The following RSPH10B2 variants were observed in gnomAD, a reference collection of about 807,000 sequenced individuals.
RSPH10B2 encodes radial spoke head 10 homolog B2 (Chlamydomonas).
A neutral mutation model predicts 49.0 loss-of-function variants in RSPH10B2; 9 were observed. That is an observed-to-expected ratio of 0.18 (90% CI 0.11 to 0.32). The LOEUF (loss-of-function observed/expected upper bound fraction) is 0.32. Among genes scored for constraint, RSPH10B2 ranks in the 10% least tolerant of loss-of-function variants. The pLI is 1.00. For missense variants in RSPH10B2, 95 were observed against 589.9 expected (o/e 0.16, Z 8.69); for synonymous variants, 35 against 210.2 (o/e 0.17, Z 7.21).
chr7:6,774,755 GTT>G (rs1359670506), intron 9 of RSPH10B2, among the ~76,000 whole-genome samples: 4 of 122,086 alleles, frequency 3.3e-5, no homozygotes, highest in East Asian at 2.8e-4. Flanking sequence ...CTTTTTTTTT[GTT>G]TTTTTTTTTT....
intron 10 of RSPH10B2, 92 bp downstream of exon 12, chr7:6,776,638 A>G (rs1279895306): frequency 2.7e-5 from 1 of 36,612 alleles, no homozygotes; most frequent in African/African-American, 1.1e-4. Flanking sequence ...GCACTTTGGG[A>G]GGCCGAGGCA....
intron 17 of RSPH10B2, chr7:6,794,317 GA>G (rs1782487379): frequency 6.6e-6 from 1 of 152,134 alleles, no homozygotes; most frequent in African/African-American, 2.4e-5. Context: ...CCACCGCCAG[GA>G]ATCCTGCTGT....
chr7:6,784,818 G>T (rs1251975586), intron 13 of RSPH10B2, among the ~76,000 whole-genome samples: 1 of 107,614 alleles, frequency 9.3e-6, no homozygotes, highest in Admixed American at 1.0e-4. Flanking sequence ...CGCCTGCCTC[G>T]GCCTCCCAAA....
rs769877980 is a variant in RSPH10B2, at chr7:6,779,974, A to ATTT, written c.1529+268_1529+270dup. Among the ~76,000 whole-genome samples, 5 of 110,068 alleles carry ATTT rather than the reference A, an allele frequency of 4.5e-5. 1 individual carries two copies. Among genetic ancestry groups the ATTT allele is most frequent in the Admixed American group, 9.6e-5 (1 of 10,412 alleles). 72.2% of individuals were successfully genotyped at this position (110,068 alleles called of 152,430 possible). A position where few individuals can be genotyped will look rare whatever the true frequency, so the allele number is the denominator to read the frequency against. On this transcript the variant is annotated intron_variant, in intron 11 of 18. Coordinates refer to ENST00000297186, the Ensembl canonical transcript of RSPH10B2. ...AGGCATGTGCCACCATGCCTGGCTA[A>ATTT]TTTTTTTTTTTTTTTTTTTTGTATT...
intron 4 of RSPH10B2, among the ~76,000 whole-genome samples, chr7:6,764,391 T>C (rs569681185): frequency 1.3e-5 from 2 of 151,158 alleles, no homozygotes; most frequent in Admixed American, 6.6e-5. Context: ...GATGGAGTCT[T>C]GCTCTGTCGC....
At chr7:6,793,394 C>A (rs1470847101) in intron 17 of RSPH10B2, among the ~76,000 whole-genome samples, 1 of 116,536 alleles carries the variant, frequency 8.6e-6, no homozygotes, top group Non-Finnish European at 1.7e-5. Flanking sequence ...CGGCCACCCA[C>A]TCAATGGTGG....
chr7:6,785,880 GAT>G, intron 13 of RSPH10B2, 67 bp from the exon 16 acceptor site: 1 of 1,172,338 alleles, frequency 8.5e-7, no homozygotes, highest in South Asian at 1.3e-5. Flanking sequence ...TTATTGTATT[GAT>G]ATAAATTGAC....
rs192594865 is a variant in RSPH10B2 at position 6,779,901 on chromosome 7, C to T, written c.1529+177C>T. Reference sequence around the variant, plus strand: ...TGGCTTACTGCAACCTCTGCCTCCCCGGTTCAAGCAATTCTTCTGCCTCGG... The same window carrying T: ...TGGCTTACTGCAACCTCTGCCTCCCTGGTTCAAGCAATTCTTCTGCCTCGG... On this transcript the variant is annotated intron_variant, in intron 11 of 18. Coordinates refer to ENST00000297186, the Ensembl canonical transcript of RSPH10B2. Among the ~76,000 whole-genome samples the T allele has an allele frequency of 7.6e-3, 992 of 130,448 alleles. 95 individuals carry two copies. The highest frequency in any genetic ancestry group is 0.027 in the African/African-American group (944 of 35,348). The allele number at this position is 130,448 out of a possible 152,430, so 85.6% of individuals were successfully genotyped here.
At chr7:6,758,958 T>C (rs1466304528) in intron 1 of RSPH10B2, 126 bp from the exon 4 acceptor site, 7 of 492,062 alleles carry the variant, frequency 1.4e-5, no homozygotes, top group Non-Finnish European at 2.1e-5. Flanking sequence ...TGTATATATA[T>C]ATATATATAT....
exon 11 of RSPH10B2, chr7:6,779,641 T>C: frequency 2.4e-6 from 1 of 418,276 alleles, no homozygotes; most frequent in Non-Finnish European, 4.1e-6. Context: ...AAGAAATCCA[T>C]TCTCCATTTA....
chr7:6,757,879 G>A lies in RSPH10B2; in HGVS notation c.202G>A (p.Glu68Lys), dbSNP rs150264312. The A allele has an allele frequency of 1.6e-3, 2,457 of 1,563,908 alleles. 122 individuals carry two copies. The African/African-American group carries it at 0.029, about 18-fold the overall frequency. ...AGACCGCCAAAACGTTCAGCAGAACGAAGATGCCAGCCAATACGAAGAGTC... is the reference window on the plus strand; with the variant it reads ...AGACCGCCAAAACGTTCAGCAGAACAAAGATGCCAGCCAATACGAAGAGTC... Residue 68 changes from glutamate to lysine, a missense_variant, in exon 1 of 19, where the codon GAA (glutamate) becomes AAA (lysine). Coordinates refer to ENST00000297186, the Ensembl canonical transcript of RSPH10B2.
chr7:6,786,178 C>CTT (rs1266902018), intron 14 of RSPH10B2, 122 bp downstream of exon 16: 6,511 of 137,458 alleles, frequency 0.047, 3 homozygotes, highest in South Asian at 0.057. Context: ...TTCACTGATG[C>CTT]TTTTTTTTTT....
intron 13 of RSPH10B2, among the ~76,000 whole-genome samples, chr7:6,785,202 G>T (rs1301279426): frequency 2.0e-5 from 2 of 99,314 alleles, no homozygotes; most frequent in South Asian, 3.9e-4. Flanking sequence ...TTTGAGACAG[G>T]TTCTTGCTTT....
intron 6 of RSPH10B2, among the ~76,000 whole-genome samples, 181 bp from the exon 9 acceptor site, chr7:6,768,409 T>G (rs1023200041): frequency 6.6e-6 from 1 of 150,784 alleles, no homozygotes; most frequent in Non-Finnish European, 1.5e-5. Context: ...GTGATCTGCC[T>G]TATTTCAAAA....
At chr7:6,795,818 AT>A (rs1251713412) in intron 17 of RSPH10B2, among the ~76,000 whole-genome samples, 1 of 148,072 alleles carries the variant, frequency 6.8e-6, no homozygotes, top group East Asian at 1.9e-4. Context: ...ATTCTCAGCT[AT>A]TAGGGAGGCT....
upstream of RSPH10B2, among the ~76,000 whole-genome samples, chr7:6,752,223 G>A (rs1349173635): frequency 3.4e-5 from 5 of 148,484 alleles, no homozygotes; most frequent in Non-Finnish European, 6.0e-5. Context: ...TGCGGCCAAG[G>A]TCGCAAAATG....
At chr7:6,776,821 G>A (rs1339597174) in intron 10 of RSPH10B2, among the ~76,000 whole-genome samples, 1 of 105,398 alleles carries the variant, frequency 9.5e-6, no homozygotes, top group Non-Finnish European at 1.9e-5. Flanking sequence ...AGGTTGCAGT[G>A]AGCCAAGATT....
At chr7:6,776,875 A>T (rs62441786) in intron 10 of RSPH10B2, among the ~76,000 whole-genome samples, 494 of 9,264 alleles carry the variant, frequency 0.053, 11 homozygotes, top group South Asian at 0.26. Context: ...AGACTCCATC[A>T]CACACACACA....
chr7:6,795,944 G>A (rs1782537753), intron 17 of RSPH10B2, among the ~76,000 whole-genome samples: 2 of 140,578 alleles, frequency 1.4e-5, no homozygotes, highest in Non-Finnish European at 3.1e-5. Flanking sequence ...AAAAAAAAAA[G>A]AAAAAAGCAA....
Sources: gnomAD v4.1 joint callset for allele counts (sites outside exome capture counted in the v4.1 genomes callset) on GRCh38, gnomAD v4.1.1 for gene constraint, MANE v1.5 for transcripts, NCBI Gene and HGNC (gene_info 2026-07-23, HGNC 2026-07-21) for gene names.